Variants in PRKN observed in about 807,000 individuals in gnomAD.
PRKN encodes E3 ubiquitin-protein ligase parkin.
PRKN carries 56 observed loss-of-function variants against 59.5 expected under a neutral mutation model. The ratio of observed to expected loss-of-function variants is 0.94; its 90% CI spans 0.76 to 1.18. The LOEUF (loss-of-function observed/expected upper bound fraction) is 1.18. PRKN is among the 50% of genes most tolerant of loss of function. PRKN has a pLI of 0.00. For missense variants in PRKN, 657 were observed against 596.4 expected, an observed-to-expected ratio of 1.10 and a Z score of -1.06; for synonymous variants, 250 against 222.1, an observed-to-expected ratio of 1.13 and a Z score of -1.12.
intron 4 of PRKN, among the ~76,000 whole-genome samples, chr6:162,150,075 T>C (rs1014824724): frequency 6.6e-6 from 1 of 152,056 alleles, no homozygotes; most frequent in Admixed American, 6.6e-5. Context: ...AAAAAGCCAA[T>C]AGGAATTTAA....
intron 7 of PRKN, among the ~76,000 whole-genome samples, chr6:161,753,271 G>A (rs1280129379): frequency 6.6e-6 from 1 of 152,008 alleles, no homozygotes; most frequent in Non-Finnish European, 1.5e-5. Flanking sequence ...GAGACAGAAG[G>A]AGCCACCACC....
intron 1 of PRKN, among the ~76,000 whole-genome samples, chr6:162,576,515 T>G (rs1780562242): frequency 6.6e-6 from 1 of 152,126 alleles, no homozygotes; most frequent in Non-Finnish European, 1.5e-5. Flanking sequence ...TTCTTCCCTT[T>G]AAAAAGGTAC....
rs1033359184 is a variant in PRKN at position 161,915,410 on chromosome 6, A to G, written c.734+57892T>C. Among the ~76,000 whole-genome samples the G allele has an allele frequency of 3.3e-5, 5 of 152,176 alleles. No homozygotes were observed. The East Asian group carries it at 7.7e-4, about 23-fold the overall frequency. ...TACAAAGAGAATCATATTCACTCTT[A>G]ACCCTCACATCAAGACACTTACTTT... On this transcript the variant is annotated intron_variant, in intron 6 of 11. Coordinates refer to ENST00000366898, the MANE Select transcript of PRKN (RefSeq NM_004562.3).
At chr6:162,349,012 T>C (rs1001259599) in intron 2 of PRKN, among the ~76,000 whole-genome samples, 2 of 152,120 alleles carry the variant, frequency 1.3e-5, no homozygotes, top group Non-Finnish European at 2.9e-5. Flanking sequence ...TTGGATGAAA[T>C]GGACAAATTC....
At chr6:161,900,414 A>T (rs1008381021) in intron 6 of PRKN, among the ~76,000 whole-genome samples, 11 of 145,626 alleles carry the variant, frequency 7.6e-5, no homozygotes, top group Non-Finnish European at 1.2e-4. Flanking sequence ...CAAATTAGAG[A>T]AAATTAGAGA....
At chr6:161,803,985 G>A (rs956887534) in intron 6 of PRKN, among the ~76,000 whole-genome samples, 2 of 152,152 alleles carry the variant, frequency 1.3e-5, no homozygotes, top group African/African-American at 4.8e-5. Context: ...TCAGAAGTGG[G>A]CCTGCTGCCA....
rs1229888623 is a variant in PRKN at position 161,576,983 on chromosome 6, A to G, written c.872-7567T>C. ...TGTCGATGCACGCAAATATACTAAG[A>G]ATATAAAATAATGCCTGCAAATGAT... On this transcript the variant is annotated intron_variant, in intron 7 of 11. Transcript: ENST00000366898. This position sits in a 1 kb window ranked among gnomAD's most constrained non-coding sequence, Gnocchi z 4.6. Among the ~76,000 whole-genome samples, 1 of 152,248 alleles carries G rather than the reference A, an allele frequency of 6.6e-6. No individual in the cohort carries two copies. The highest frequency in any genetic ancestry group is 1.5e-5 in the Non-Finnish European group (1 of 68,044).
At chr6:162,103,796 C>G (rs946910829) in intron 4 of PRKN, among the ~76,000 whole-genome samples, 1 of 152,214 alleles carries the variant, frequency 6.6e-6, no homozygotes, top group Non-Finnish European at 1.5e-5. Flanking sequence ...CAGTGTTTAG[C>G]ACTGTCCCTT....
chr6:162,407,191 G>T (rs550485393), intron 2 of PRKN, among the ~76,000 whole-genome samples: 2 of 152,168 alleles, frequency 1.3e-5, no homozygotes, highest in South Asian at 2.1e-4. Context: ...TAATACAAAG[G>T]TGCTAGATGT....
rs547114156 is a variant in PRKN, at chr6:162,482,014, C to T, written c.8-38541G>A. ...TGGTGGACTCCTATTTGCTTTTGCC[C>T]CTTTTCTTCTTTGGGTCTTACCTTC... On this transcript the variant is annotated intron_variant, in intron 1 of 11. Transcript: ENST00000366898. Among the ~76,000 whole-genome samples the T allele has an allele frequency of 4.6e-5, 7 of 152,168 alleles. No homozygotes were observed. The East Asian group carries it at 1.4e-3, about 29-fold the overall frequency.
rs562777686 is a variant in PRKN, at chr6:161,533,368, G to A, written c.1083+15486C>T. On this transcript the variant is annotated intron_variant, in intron 9 of 11. Coordinates refer to ENST00000366898, the MANE Select transcript of PRKN (RefSeq NM_004562.3). The surrounding 1 kb of genome is among the most constrained non-coding windows in gnomAD (Gnocchi z 4.1). ...TTTCTTTTCCAACAAAGAGCAGCCT[G>A]TAAAATCGACCTGCAGACACAAACA... is the stretch of plus-strand genomic sequence containing the variant. Among the ~76,000 whole-genome samples, 5 of 152,206 alleles carry A rather than the reference G, an allele frequency of 3.3e-5. No individual in the cohort carries two copies. The highest frequency in any genetic ancestry group is 2.1e-4 in the South Asian group (1 of 4,814).
At chr6:161,871,844 G>A (rs74950972) in intron 6 of PRKN, among the ~76,000 whole-genome samples, 2,627 of 152,204 alleles carry the variant, frequency 0.017, 32 homozygotes, top group Non-Finnish European at 0.028. Flanking sequence ...TAAAACTCCC[G>A]TGTATATTTG....
At chr6:161,510,864 C>T (rs1778359759) in intron 9 of PRKN, among the ~76,000 whole-genome samples, 1 of 152,154 alleles carries the variant, frequency 6.6e-6, no homozygotes, top group South Asian at 2.1e-4. Flanking sequence ...AATGGCCCTC[C>T]TTTCCCCTGT....
chr6:161,766,815 C>G (rs1165798065), intron 7 of PRKN, among the ~76,000 whole-genome samples: 1 of 152,092 alleles, frequency 6.6e-6, no homozygotes, highest in African/African-American at 2.4e-5. Flanking sequence ...ATCATAACAT[C>G]TTTGAGGTGG....
intron 2 of PRKN, among the ~76,000 whole-genome samples, chr6:162,390,631 C>T (rs1583488811): frequency 6.6e-6 from 1 of 151,666 alleles, no homozygotes; most frequent in Non-Finnish European, 1.5e-5. Context: ...TTAGTACAGT[C>T]GGGGTTTTGC....
Position 161,581,123 on chromosome 6 carries a change from G to C in PRKN, c.872-11707C>G, listed in dbSNP as rs564090726. Among the ~76,000 whole-genome samples, 2 of 151,688 alleles carry C rather than the reference G, an allele frequency of 1.3e-5. No homozygotes were observed. Among genetic ancestry groups the C allele is most frequent in the South Asian group, 4.2e-4 (2 of 4,798 alleles). On this transcript the variant is annotated intron_variant, in intron 7 of 11. Coordinates refer to ENST00000366898, the MANE Select transcript of PRKN (RefSeq NM_004562.3). The surrounding 1 kb of genome is among the most constrained non-coding windows in gnomAD (Gnocchi z 4.5). ...TGCCCTTGTAATCCCAGCTACTGGGGAGGTTTGAACCTGGGAGGCAGAGGT... is the reference window on the plus strand; with the variant it reads ...TGCCCTTGTAATCCCAGCTACTGGGCAGGTTTGAACCTGGGAGGCAGAGGT...
chr6:162,544,874 A>T (rs1779058731), intron 1 of PRKN, among the ~76,000 whole-genome samples: 1 of 149,884 alleles, frequency 6.7e-6, no homozygotes, highest in South Asian at 2.1e-4. Flanking sequence ...ACAGGGTTTC[A>T]CCAGGTTGGC....
At position 161,431,803 on chromosome 6, in the gene PRKN, G is replaced by C. The variant is rs548538075; in HGVS notation, c.1084-44926C>G. ...AATTTTTGTATTTTTAGTAGAGACA[G>C]GGTTTCACCATATTGGCCAGGCTGG... On this transcript the variant is annotated intron_variant, in intron 9 of 11. Transcript: ENST00000366898. Among the ~76,000 whole-genome samples the C allele has an allele frequency of 1.5e-3, 225 of 152,190 alleles. 2 individuals carry two copies. The highest frequency in any genetic ancestry group is 1.4e-3 in the Non-Finnish European group (95 of 68,010).
In PRKN at chr6:162,056,174, A is replaced by G. The variant is rs1777856376; in HGVS notation, c.535-2000T>C. ...ACGCACGCACACCAAAACACACCAC[A>G]CATGCATAAACACACCACATATGTA... On this transcript the variant is annotated intron_variant, in intron 4 of 11. Coordinates refer to ENST00000366898, the MANE Select transcript of PRKN (RefSeq NM_004562.3). The surrounding 1 kb of genome is among the most constrained non-coding windows in gnomAD (Gnocchi z 4.9). 6.6e-6 allele frequency among the ~76,000 whole-genome samples: 1 copy of G among 151,018 alleles called. No individual in the cohort carries two copies. Among genetic ancestry groups the G allele is most frequent in the African/African-American group, 2.4e-5 (1 of 41,054 alleles).
Sources: gnomAD v4.1 joint callset for allele counts (sites outside exome capture counted in the v4.1 genomes callset) on GRCh38, gnomAD v4.1.1 for gene constraint, Gnocchi (gnomAD v3.1) non-coding constraint, MANE v1.5 for transcripts, NCBI Gene and HGNC (gene_info 2026-07-23, HGNC 2026-07-21) for gene names.